Variants in CNTN3 observed in about 807,000 individuals in gnomAD.
CNTN3 encodes contactin 3.
In CNTN3, 60 loss-of-function variants were observed where a neutral mutation model predicts 119.1. The ratio of observed to expected loss-of-function variants is 0.50; its 90% confidence interval spans 0.41 to 0.62. CNTN3 has a LOEUF of 0.62. Among genes scored for constraint, CNTN3 ranks in the 20% least tolerant of loss-of-function variants. CNTN3 has a pLI of 0.00. For synonymous variants in CNTN3, 450 were observed against 438.7 expected (o/e 1.03, Z -0.32); for missense variants, 1,101 against 1,242.4 (o/e 0.89, Z 1.71).
At chr3:74,485,568 T>C (rs1047552029) in intron 4 of CNTN3, among the ~76,000 whole-genome samples, 37 of 152,010 alleles carry the variant, frequency 2.4e-4, no homozygotes, top group African/African-American at 8.5e-4. Context: ...ATTAATTTAA[T>C]AAAAAGTTTA....
intron 1 of CNTN3, among the ~76,000 whole-genome samples, chr3:74,536,716 T>C (rs1703770852): frequency 1.3e-5 from 2 of 152,134 alleles, no homozygotes; most frequent in African/African-American, 4.8e-5. Context: ...TGTGGACATT[T>C]GGAGACATTT....
intron 1 of CNTN3, among the ~76,000 whole-genome samples, chr3:74,582,178 G>A (rs113276954): frequency 1.8e-4 from 27 of 152,188 alleles, no homozygotes; most frequent in African/African-American, 6.5e-4. Context: ...AGGCAGAGGT[G>A]GATGGATCAC....
At chr3:74,391,845 T>G (rs1575681643) in intron 5 of CNTN3, among the ~76,000 whole-genome samples, 1 of 151,946 alleles carries the variant, frequency 6.6e-6, no homozygotes, top group African/African-American at 2.4e-5. Flanking sequence ...TTTAGTAGAG[T>G]TGGGGTTTCA....
At chr3:74,558,235 G>A (rs918040169) in intron 1 of CNTN3, among the ~76,000 whole-genome samples, 11 of 152,274 alleles carry the variant, frequency 7.2e-5, no homozygotes, top group Middle Eastern at 3.4e-3. Flanking sequence ...TGATACTACT[G>A]CATCATAGTT....
At chr3:74,520,269 CAT>C (rs764156404) in intron 2 of CNTN3, among the ~76,000 whole-genome samples, 2 of 151,074 alleles carry the variant, frequency 1.3e-5, no homozygotes, top group Non-Finnish European at 3.0e-5. Context: ...CATTCACACA[CAT>C]ATATACAGAA....
intron 4 of CNTN3, among the ~76,000 whole-genome samples, chr3:74,473,687 A>G (rs1702605108): frequency 6.6e-6 from 1 of 152,200 alleles, no homozygotes; most frequent in South Asian, 2.1e-4. Flanking sequence ...GAAAAGATGT[A>G]AAATGTCAGG....
chr3:74,557,020 G>T (rs1484909892), intron 1 of CNTN3, among the ~76,000 whole-genome samples: 2 of 151,910 alleles, frequency 1.3e-5, no homozygotes, highest in African/African-American at 4.8e-5. Context: ...GAGTTTTTTT[G>T]TATTCTAATA....
chr3:74,362,032 G>A lies in CNTN3; in HGVS notation c.1222C>T (p.Pro408Ser). The A allele has an allele frequency of 6.2e-7, 1 of 1,613,040 alleles. No individual in the cohort carries two copies. Among genetic ancestry groups the A allele is most frequent in the Non-Finnish European group, 8.5e-7 (1 of 1,179,368 alleles). Residue 408 changes from proline (P) to serine (S), a missense_variant, in exon 11 of 23, where the codon CCA (proline) becomes TCA (serine). Physicochemically the swap from Pro to Ser is moderately conservative, Grantham distance 74. Transcript: ENST00000263665. ...SAELKVVASA[P>S]DFSKNPMKKL... ...TTCATTGGATTCTTTGAAAAATCTGGAGCAGAAGCTGAAAGGCAAGAAAGG... is the reference window on the plus strand; with the variant it reads ...TTCATTGGATTCTTTGAAAAATCTGAAGCAGAAGCTGAAAGGCAAGAAAGG...
At chr3:74,568,000 C>A (rs926154719) in intron 1 of CNTN3, among the ~76,000 whole-genome samples, 13 of 152,114 alleles carry the variant, frequency 8.5e-5, no homozygotes, top group Admixed American at 3.3e-4. Flanking sequence ...GGTGACTGTT[C>A]CCAAGAACAT....
chr3:74,342,909 TATAA>T (rs936378003), intron 11 of CNTN3, among the ~76,000 whole-genome samples: 8 of 152,154 alleles, frequency 5.3e-5, no homozygotes, highest in Admixed American at 5.2e-4. Flanking sequence ...TTGGAAAAAT[TATAA>T]ATACTCAGAC....
chr3:74,472,001 A>C (rs895003257), intron 4 of CNTN3, among the ~76,000 whole-genome samples: 1 of 152,182 alleles, frequency 6.6e-6, no homozygotes, highest in African/African-American at 2.4e-5. Context: ...CAAACTTTGA[A>C]GTCTCTCTCA....
In CNTN3 at chr3:74,336,680, T is replaced by G. The variant is rs192056127; in HGVS notation, c.1365-22A>C. 6.4e-5 allele frequency: 100 copies of G among 1,560,866 alleles called. No individual in the cohort carries two copies. In the Admixed American group the frequency reaches 1.7e-3, roughly 27 times the overall value. On this transcript the variant is annotated intron_variant, in intron 11 of 22. Coordinates refer to ENST00000263665, the MANE Select transcript of CNTN3 (RefSeq NM_020872.3). The stretch of plus-strand genomic sequence containing the variant: ...AATTCTAAAGCAAAGACAAATAAGA[T>G]AAATAAATATATAATAGCCATTTTT...
chr3:74,360,266 T>C (rs1286491108), intron 11 of CNTN3, among the ~76,000 whole-genome samples: 2 of 152,204 alleles, frequency 1.3e-5, no homozygotes. Flanking sequence ...ATTGTTTGTT[T>C]GTATTCCTTT....
chr3:74,295,083 G>T, intron 19 of CNTN3, 38 bp downstream of exon 19: 1 of 1,344,460 alleles, frequency 7.4e-7, no homozygotes, highest in Non-Finnish European at 1.1e-6. Flanking sequence ...AAGTGGCACG[G>T]TAACACACAT....
chr3:74,582,801 G>GTGTGTA (rs1215136933), intron 1 of CNTN3, among the ~76,000 whole-genome samples: 9 of 152,058 alleles, frequency 5.9e-5, no homozygotes, highest in African/African-American at 1.9e-4. Context: ...GTGTGTGTGT[G>GTGTGTA]TGTGTGTGTG....
At chr3:74,278,260 A>T (rs1701920577) in intron 20 of CNTN3, among the ~76,000 whole-genome samples, 1 of 152,140 alleles carries the variant, frequency 6.6e-6, no homozygotes, top group African/African-American at 2.4e-5. Flanking sequence ...ATTATAAAAA[A>T]AACTCTAAAA....
At chr3:74,553,012 G>A (rs1248492103) in intron 1 of CNTN3, among the ~76,000 whole-genome samples, 1 of 151,964 alleles carries the variant, frequency 6.6e-6, no homozygotes, top group African/African-American at 2.4e-5. Flanking sequence ...AGGTATACAC[G>A]TGCCATGGTG....
chr3:74,320,961 A>T (rs999054873), intron 13 of CNTN3, among the ~76,000 whole-genome samples: 5 of 151,950 alleles, frequency 3.3e-5, no homozygotes, highest in African/African-American at 9.7e-5. Context: ...AAAAAAAAAA[A>T]GAATGAAATC....
rs113703545 is a variant in CNTN3 at position 74,318,550 on chromosome 3, C to A, written c.1669-15743G>T. Among the ~76,000 whole-genome samples, 3 of 152,222 alleles carry A rather than the reference C, an allele frequency of 2.0e-5. No individual in the cohort carries two copies. In the East Asian group the frequency reaches 5.8e-4, roughly 29 times the overall value. The stretch of plus-strand genomic sequence containing the variant: ...TCCTTTCTGTTAGTTTTCCTTCTAA[C>A]GGACAGGACCCTCAGCTGCAGGTCT... On this transcript the variant is annotated intron_variant, in intron 13 of 22. Coordinates refer to ENST00000263665, the MANE Select transcript of CNTN3 (RefSeq NM_020872.3).
Sources: allele counts gnomAD v4.1 joint callset (sites outside exome capture counted in the v4.1 genomes callset), GRCh38; gene constraint gnomAD v4.1.1; transcripts MANE v1.5; gene names NCBI Gene and HGNC (gene_info 2026-07-23, HGNC 2026-07-21).